Variants in CEP85 observed in about 807,000 individuals in gnomAD.
CEP85 encodes centrosomal protein 85.
Under a neutral mutation model 93.7 loss-of-function variants are expected in CEP85, and 58 were observed. The observed-to-expected ratio is 0.62, with a 90% confidence interval of 0.50 to 0.77. The LOEUF is 0.77. Ranked by LOEUF, CEP85 falls within the 30% of genes least tolerant of loss-of-function variation. The pLI, the probability that CEP85 is intolerant of heterozygous loss-of-function variation, is 0.00. For synonymous variants in CEP85, 314 were observed against 338.6 expected (o/e 0.93, Z 0.80); for missense variants, 868 against 922.0 (o/e 0.94, Z 0.76).
intron 1 of CEP85, among the ~76,000 whole-genome samples, chr1:26,238,582 A>C (rs983915708): frequency 2.0e-5 from 3 of 152,120 alleles, no homozygotes; most frequent in Non-Finnish European, 4.4e-5. Flanking sequence ...GTACAGTGCT[A>C]CTTTTGTTGA....
chr1:26,264,545 A>C (rs1361682982), intron 7 of CEP85, among the ~76,000 whole-genome samples: 2 of 152,170 alleles, frequency 1.3e-5, no homozygotes, highest in African/African-American at 4.8e-5. Context: ...AAAATAAAAT[A>C]AAAAGGAAGC....
intron 3 of CEP85, among the ~76,000 whole-genome samples, chr1:26,253,844 C>A (rs2089656107): frequency 6.6e-6 from 1 of 151,716 alleles, no homozygotes; most frequent in Non-Finnish European, 1.5e-5. Context: ...GAGTTCGAGA[C>A]CAGTCTGGGC....
chr1:26,276,896 A>G, intron 13 of CEP85, 136 bp downstream of exon 13: 1 of 836,362 alleles, frequency 1.2e-6, no homozygotes, highest in East Asian at 2.6e-5. Context: ...CTGGACATTT[A>G]TTTGTTTCAC....
In CEP85 at chr1:26,263,317, C is replaced by T. The variant is rs2089842243; in HGVS notation, c.1341+3515C>T. The T allele has an allele frequency of 9.2e-6, 3 of 325,518 alleles. No homozygotes were observed. In the South Asian group the frequency reaches 9.2e-5, roughly 10 times the overall value. The allele number at this position is 325,518 out of a possible 1,614,324, so 20.2% of individuals were successfully genotyped here. On this transcript the variant is annotated intron_variant, in intron 7 of 13. Transcript: ENST00000451429. ...ACTATTGCTCCTCTGTTCATCAGGG[C>T]TTGTATCATACTTTTCAAAGCAGCA...
rs773316750 is a variant in CEP85, at chr1:26,272,058, G to A, written c.1781G>A (p.Arg594His). 21 of 1,613,904 alleles carry A rather than the reference G, an allele frequency of 1.3e-5. No homozygotes were observed. In the South Asian group the frequency reaches 1.6e-4, roughly 13 times the overall value. ...EKQQQKMDQL[R>H]SQVQSLEQEV... ...CAGCAGCAGAAGATGGATCAGTTGC[G>A]CTCACAAGTACAGGTGAGCAGGAAT... The change falls in exon 11 of 14, where the codon CGC becomes CAC. Residue 594 changes from arginine to histidine, a missense_variant. By Grantham distance (29) the Arg-to-His change is conservative. Transcript: ENST00000451429.
intron 7 of CEP85, among the ~76,000 whole-genome samples, chr1:26,262,427 G>T (rs532685709): frequency 6.6e-6 from 1 of 151,854 alleles, no homozygotes; most frequent in African/African-American, 2.4e-5. Flanking sequence ...GCAGTGAGCC[G>T]AGATAGCACC....
At chr1:26,235,881 T>C (rs1227559467) in intron 1 of CEP85, among the ~76,000 whole-genome samples, 1 of 152,208 alleles carries the variant, frequency 6.6e-6, no homozygotes, top group Admixed American at 6.5e-5. Context: ...CACACTTAGA[T>C]TGTAATTCTT....
In CEP85 at chr1:26,255,202, C is replaced by G. The variant is rs2089676736; in HGVS notation, c.240C>G (p.Phe80Leu). 1 of 1,614,096 alleles carries G rather than the reference C, an allele frequency of 6.2e-7. No individual in the cohort carries two copies. The highest frequency in any genetic ancestry group is 8.5e-7 in the Non-Finnish European group (1 of 1,179,970). The part of the protein sequence containing the change: ...DFCSSSGSPP[F>L]QPIKSHVTIP... Reference sequence around the variant, plus strand: ...GCAGCTCAAGTGGCAGTCCTCCTTTCCAGCCCATCAAAAGCCACGTAACCA... The same window carrying G: ...GCAGCTCAAGTGGCAGTCCTCCTTTGCAGCCCATCAAAAGCCACGTAACCA... Residue 80 changes from phenylalanine to leucine, a missense_variant, in exon 4 of 14, where the codon TTC becomes TTG. Coordinates refer to ENST00000451429, the MANE Select transcript of CEP85 (RefSeq NM_001319944.2).
At chr1:26,238,269 T>C (rs2089361924) in intron 1 of CEP85, among the ~76,000 whole-genome samples, 2 of 134,798 alleles carry the variant, frequency 1.5e-5, no homozygotes, top group African/African-American at 2.8e-5. Context: ...GGCGCGATCT[T>C]GGCTCACTGC....
At position 26,258,214 on chromosome 1, in the gene CEP85, T is replaced by G; in HGVS notation, c.1109T>G (p.Leu370Trp). The change falls in exon 6 of 14, where the codon TTG (leucine) becomes TGG (tryptophan). Residue 370 changes from leucine (L) to tryptophan (W), a missense_variant. Physicochemically the swap from Leu to Trp is moderately conservative, Grantham distance 61. Transcript: ENST00000451429. ...GAACTGCAAGTCCACAGTGCCCTCT[T>G]GGGCCGCCCTGCCCCCTTTGGTGAT... is the stretch of plus-strand genomic sequence containing the variant. ...ESELQVHSALLGRPAPFGDVC... is the reference protein window; with the variant it reads ...ESELQVHSALWGRPAPFGDVC... 1 of 1,614,136 alleles carries G rather than the reference T, an allele frequency of 6.2e-7. No homozygotes were observed. The highest frequency in any genetic ancestry group is 8.5e-7 in the Non-Finnish European group (1 of 1,179,978).
chr1:26,240,584 G>A (rs907829725), intron 2 of CEP85, among the ~76,000 whole-genome samples: 2 of 152,038 alleles, frequency 1.3e-5, no homozygotes, highest in Non-Finnish European at 2.9e-5. Flanking sequence ...AAAATTGGTT[G>A]AATTCACAAA....
At chr1:26,240,104 C>G (rs1032922446) in intron 2 of CEP85, among the ~76,000 whole-genome samples, 5 of 151,962 alleles carry the variant, frequency 3.3e-5, no homozygotes, top group Admixed American at 6.6e-5. Context: ...GAACATAGTT[C>G]CATTTGAAAT....
intron 1 of CEP85, among the ~76,000 whole-genome samples, chr1:26,234,611 T>TG (rs2089294929): frequency 6.6e-6 from 1 of 152,226 alleles, no homozygotes; most frequent in Admixed American, 6.5e-5. Context: ...TCCTTGCCCT[T>TG]GCGGAGCGCA....
In CEP85 at chr1:26,246,504, C is replaced by T. The variant is rs557832151; in HGVS notation, c.208+2186C>T. On this transcript the variant is annotated intron_variant, in intron 3 of 13. Coordinates refer to ENST00000451429, the MANE Select transcript of CEP85 (RefSeq NM_001319944.2). The stretch of plus-strand genomic sequence containing the variant: ...ATCCTAGCGCTTTGGGAGGCCAAGG[C>T]GGGTGGATTGCCTGAGCTCAGGAGT... Among the ~76,000 whole-genome samples the T allele has an allele frequency of 4.6e-5, 7 of 152,184 alleles. No homozygotes were observed. The East Asian group carries it at 7.7e-4, about 17-fold the overall frequency.
chr1:26,276,510 T>C, intron 12 of CEP85, 25 bp from the exon 13 acceptor site: 1 of 1,580,628 alleles, frequency 6.3e-7, no homozygotes, highest in Non-Finnish European at 8.7e-7. Context: ...CCTGAGTTAA[T>C]GTGCTTACCC....
chr1:26,234,821 C>T (rs1006810353), intron 1 of CEP85, among the ~76,000 whole-genome samples: 3 of 152,168 alleles, frequency 2.0e-5, no homozygotes, highest in Admixed American at 1.3e-4. Flanking sequence ...AAGCACTTGG[C>T]GGGGCCTTAC....
At position 26,277,791 on chromosome 1, in the gene CEP85, A is replaced by G. The variant is rs938870566; in HGVS notation, c.*498A>G. The G allele has an allele frequency of 1.9e-5, 3 of 154,976 alleles. No individual in the cohort carries two copies. The highest frequency in any genetic ancestry group is 7.2e-5 in the African/African-American group (3 of 41,454). The allele number at this position is 154,976 out of a possible 1,614,324, so 9.6% of individuals were successfully genotyped here. On this transcript the variant is annotated 3_prime_UTR_variant, in exon 14 of 14. Coordinates refer to ENST00000451429, the MANE Select transcript of CEP85 (RefSeq NM_001319944.2). ...CTGAGCTGGCTTTCTGGGTTTTCTC[A>G]TGCCTGGTCTTACTGCTTCTTCCTC...
chr1:26,253,934 G>T (rs905899799), intron 3 of CEP85, among the ~76,000 whole-genome samples: 2 of 151,990 alleles, frequency 1.3e-5, no homozygotes, highest in Admixed American at 1.3e-4. Context: ...GGTCGAGGCT[G>T]CAGTGAACTG....
chr1:26,255,563 C>A lies in CEP85; in HGVS notation c.601C>A (p.Pro201Thr). ...AATGATGGAGACACTTTATTCAGAT[C>A]CTCACCACCGAGTCCGCTTCCACAA... The part of the protein sequence containing the change: ...SAMMETLYSD[P>T]HHRVRFHNPR... Residue 201 changes from proline (P) to threonine (T), a missense_variant, in exon 4 of 14, where the codon CCT becomes ACT. Physicochemically the swap from Pro to Thr is conservative, Grantham distance 38. Coordinates refer to ENST00000451429, the MANE Select transcript of CEP85 (RefSeq NM_001319944.2). 2 of 1,614,034 alleles carry A rather than the reference C, an allele frequency of 1.2e-6. No individual in the cohort carries two copies. The highest frequency in any genetic ancestry group is 1.7e-6 in the Non-Finnish European group (2 of 1,180,012).
Sources: gnomAD v4.1 joint callset for allele counts (sites outside exome capture counted in the v4.1 genomes callset) on GRCh38, gnomAD v4.1.1 for gene constraint, MANE v1.5 for transcripts, NCBI Gene and HGNC (gene_info 2026-07-23, HGNC 2026-07-21) for gene names.